TTLL11: variants seen among roughly 807,000 people sequenced by gnomAD.
TTLL11 encodes the protein tubulin tyrosine ligase like 11.
TTLL11 carries 42 observed loss-of-function variants against 51.7 expected under a neutral mutation model. The observed-to-expected ratio is 0.81, with a 90% CI of 0.64 to 1.05. TTLL11 has a LOEUF of 1.05. Among genes scored for constraint, TTLL11 ranks in the 50% least tolerant of loss-of-function variants. The pLI, the probability that TTLL11 is intolerant of heterozygous loss-of-function variation, is 0.00. For missense variants in TTLL11, 799 were observed against 940.4 expected (o/e 0.85, Z 1.97); for synonymous variants, 381 against 383.5 (o/e 0.99, Z 0.08).
At chr9:121,873,309 G>A (rs1021712407) in intron 6 of TTLL11, among the ~76,000 whole-genome samples, 3 of 151,606 alleles carry the variant, frequency 2.0e-5, no homozygotes, top group African/African-American at 7.3e-5. Flanking sequence ...TAGCTGAACT[G>A]GAATTATAAG....
chr9:121,854,013 T>C (rs563094665), intron 8 of TTLL11, among the ~76,000 whole-genome samples: 1 of 152,252 alleles, frequency 6.6e-6, no homozygotes, highest in Non-Finnish European at 1.5e-5. Flanking sequence ...GCGCTTTCCG[T>C]GTTTTGTTTC....
chr9:122,032,424 T>G (rs2131810084), intron 2 of TTLL11, among the ~76,000 whole-genome samples: 1 of 152,280 alleles, frequency 6.6e-6, no homozygotes, highest in South Asian at 2.1e-4. Flanking sequence ...ATACCAAAAT[T>G]TATACTTCAA....
At chr9:122,058,679 T>C (rs1845359000) in intron 1 of TTLL11, among the ~76,000 whole-genome samples, 1 of 152,364 alleles carries the variant, frequency 6.6e-6, no homozygotes, top group South Asian at 2.1e-4. Flanking sequence ...TTGTTTCTGA[T>C]GTTGAGCTAT....
chr9:121,978,565 A>T (rs1232361432), intron 4 of TTLL11, among the ~76,000 whole-genome samples: 1 of 152,086 alleles, frequency 6.6e-6, no homozygotes, highest in Non-Finnish European at 1.5e-5. Context: ...AAGTCCCTCT[A>T]ACGGAGCAGG....
intron 3 of TTLL11, among the ~76,000 whole-genome samples, chr9:122,018,109 CTTT>C (rs386416144): frequency 0.025 from 2,992 of 121,514 alleles, 86 homozygotes; most frequent in African/African-American, 0.09. Flanking sequence ...AATAATGCCA[CTTT>C]TTTTTTTTTT....
intron 6 of TTLL11, among the ~76,000 whole-genome samples, chr9:121,960,116 T>C (rs1842169619): frequency 6.6e-6 from 1 of 151,986 alleles, no homozygotes; most frequent in Non-Finnish European, 1.5e-5. Context: ...CTGATCTTTT[T>C]TCTCACTTTT....
Position 122,053,968 on chromosome 9 carries a change from T to C in TTLL11, c.463-14600A>G, listed in dbSNP as rs142932942. On this transcript the variant is annotated intron_variant, in intron 1 of 8. Coordinates refer to ENST00000321582, the MANE Select transcript of TTLL11 (RefSeq NM_001139442.2). Reference sequence around the variant, plus strand: ...ATTACTCATCCTCTAATAGAGCCAATAAATATAGCAAGAGGATAAGTAATT... The same window carrying C: ...ATTACTCATCCTCTAATAGAGCCAACAAATATAGCAAGAGGATAAGTAATT... Among the ~76,000 whole-genome samples the C allele has an allele frequency of 4.1e-3, 618 of 152,202 alleles. 3 individuals carry two copies. The highest frequency in any genetic ancestry group is 7.2e-3 in the Non-Finnish European group (491 of 68,010).
chr9:121,832,818 A>T (rs1837060636), intron 8 of TTLL11, among the ~76,000 whole-genome samples: 1 of 152,160 alleles, frequency 6.6e-6, no homozygotes, highest in Admixed American at 6.5e-5. Context: ...CACGCACCTG[A>T]AGTCCCAGCT....
At chr9:121,975,204 A>T (rs1278677720) in intron 4 of TTLL11, among the ~76,000 whole-genome samples, 1 of 152,158 alleles carries the variant, frequency 6.6e-6, no homozygotes, top group African/African-American at 2.4e-5. Context: ...GCGTTTCAGC[A>T]CTGTCTTTGT....
intron 5 of TTLL11, among the ~76,000 whole-genome samples, chr9:121,974,665 A>C (rs1842654369): frequency 1.3e-5 from 2 of 152,206 alleles, no homozygotes; most frequent in Non-Finnish European, 2.9e-5. Context: ...AACCTTCAAC[A>C]CTGGAAAAAC....
rs1372065978 is a variant in TTLL11 at position 121,821,907 on chromosome 9, C to G, written c.*680G>C. The G allele has an allele frequency of 6.6e-6, 1 of 152,162 alleles. No homozygotes were observed. Among genetic ancestry groups the G allele is most frequent in the Non-Finnish European group, 1.5e-5 (1 of 68,026 alleles). The allele number at this position is 152,162 out of a possible 1,614,324, so 9.4% of individuals were successfully genotyped here. ...TTCCTGCTTTGGGGTCACAGTCAAA[C>G]AAAATCAAACAAAATGATCTCTGAG... On this transcript the variant is annotated 3_prime_UTR_variant, in exon 9 of 9. Coordinates refer to ENST00000321582, the MANE Select transcript of TTLL11 (RefSeq NM_001139442.2). The surrounding 1 kb of genome is among the most constrained non-coding windows in gnomAD (Gnocchi z 5.0).
chr9:122,016,945 T>C (rs1844004167), intron 3 of TTLL11, among the ~76,000 whole-genome samples: 1 of 152,210 alleles, frequency 6.6e-6, no homozygotes, highest in African/African-American at 2.4e-5. Flanking sequence ...GCCTCGACTC[T>C]TCACAAAAAT....
intron 1 of TTLL11, among the ~76,000 whole-genome samples, chr9:122,072,287 G>A (rs530530985): frequency 6.6e-6 from 1 of 152,238 alleles, no homozygotes; most frequent in Non-Finnish European, 1.5e-5. Flanking sequence ...CTTGGCTCCT[G>A]CATACCTCTC....
At chr9:122,011,719 C>T (rs185992448) in intron 3 of TTLL11, among the ~76,000 whole-genome samples, 2 of 152,162 alleles carry the variant, frequency 1.3e-5, no homozygotes, top group African/African-American at 2.4e-5. Context: ...TCTGGGGTTG[C>T]ATGGAGGATA....
intron 1 of TTLL11, among the ~76,000 whole-genome samples, chr9:122,077,447 T>C (rs998389057): frequency 6.6e-6 from 1 of 152,120 alleles, no homozygotes; most frequent in African/African-American, 2.4e-5. Flanking sequence ...CATATTAAAT[T>C]TTCTAGGGTA....
intron 6 of TTLL11, among the ~76,000 whole-genome samples, chr9:121,913,599 C>A: frequency 6.6e-6 from 1 of 152,220 alleles, no homozygotes. Context: ...AAGGATATTT[C>A]TAATCCCCAG....
At chr9:121,891,941 A>T (rs964780455) in intron 6 of TTLL11, among the ~76,000 whole-genome samples, 2 of 148,260 alleles carry the variant, frequency 1.3e-5, no homozygotes, top group Non-Finnish European at 3.0e-5. Context: ...ATGATAATAT[A>T]TATACACATA....
chr9:121,846,964 A>C (rs989228232), intron 8 of TTLL11, among the ~76,000 whole-genome samples: 1 of 152,324 alleles, frequency 6.6e-6, no homozygotes, highest in Non-Finnish European at 1.5e-5. Context: ...TAATCCCAGC[A>C]CTTTGGGAGG....
rs141900821 is a variant in TTLL11 at position 122,044,984 on chromosome 9, T to C, written c.463-5616A>G. 2.6e-5 allele frequency among the ~76,000 whole-genome samples: 4 copies of C among 152,172 alleles called. No homozygotes were observed. The East Asian group carries it at 7.7e-4, about 29-fold the overall frequency. ...TTAGCTGGGCATCGTGGCATGCCTGTAGTCCCAACTACTCGGGAAGCTGAA... is the reference window on the plus strand; with the variant it reads ...TTAGCTGGGCATCGTGGCATGCCTGCAGTCCCAACTACTCGGGAAGCTGAA... On this transcript the variant is annotated intron_variant, in intron 1 of 8. Transcript: ENST00000321582.
Sources: allele counts gnomAD v4.1 joint callset (sites outside exome capture counted in the v4.1 genomes callset), GRCh38; gene constraint gnomAD v4.1.1; non-coding constraint Gnocchi (gnomAD v3.1); transcripts MANE v1.5; gene names NCBI Gene and HGNC (gene_info 2026-07-23, HGNC 2026-07-21).